Variants in SH3YL1 observed in about 807,000 individuals in gnomAD.
The protein encoded by SH3YL1 is SH3 and SYLF domain containing 1, also known as SH3 domain-containing YSC84-like protein 1.
SH3YL1 carries 41 observed loss-of-function variants against 45.8 expected under a neutral mutation model. That is an observed-to-expected ratio of 0.89 (90% confidence interval 0.70 to 1.16). The LOEUF (loss-of-function observed/expected upper bound fraction) is 1.16, where lower values mean the gene tolerates loss of function less well. Among genes scored for constraint, SH3YL1 ranks in the 50% most tolerant of loss-of-function variants. SH3YL1 has a pLI of 0.00. For missense variants in SH3YL1, 389 were observed against 409.6 expected, an observed-to-expected ratio of 0.95 and a Z score of 0.43; for synonymous variants, 152 against 151.4, an observed-to-expected ratio of 1.00 and a Z score of -0.03.
Position 258,647 on chromosome 2 carries a change from T to C in SH3YL1, c.1+5337A>G, listed in dbSNP as rs373651597. Among the ~76,000 whole-genome samples the C allele has an allele frequency of 1.8e-4, 27 of 152,334 alleles. No homozygotes were observed. The South Asian group carries it at 5.0e-3, about 28-fold the overall frequency. On this transcript the variant is annotated intron_variant, in intron 1 of 9. Coordinates refer to ENST00000356150, the MANE Select transcript of SH3YL1 (RefSeq NM_015677.4). ...TTGATCACTTGTTGGCTTGTTGTTG[T>C]GTTCTGTTTGTGTGTCTAGAGTAGC...
At chr2:227,201 C>T (rs17713396) in intron 8 of SH3YL1, among the ~76,000 whole-genome samples, 44,774 of 151,660 alleles carry the variant, frequency 0.3, 6,922 homozygotes, top group Non-Finnish European at 0.35. Context: ...GTGAATGTTA[C>T]GGTGGGGAAA....
At chr2:262,537 A>G (rs2103063669) in intron 1 of SH3YL1, 1 of 1,282,940 alleles carries the variant, frequency 7.8e-7, no homozygotes, top group Admixed American at 2.3e-5. Flanking sequence ...CTTTTAGAGT[A>G]AAAAATGGGA....
intron 6 of SH3YL1, among the ~76,000 whole-genome samples, chr2:232,434 TGTTTAA>T (rs1572150552): frequency 1.4e-5 from 1 of 72,136 alleles, no homozygotes; most frequent in South Asian, 6.6e-4. Context: ...TACTAACTTA[TGTTTAA>T]GTTTCTTTTT....
At chr2:226,660 T>C (rs374260706) in intron 8 of SH3YL1, among the ~76,000 whole-genome samples, 90 of 151,934 alleles carry the variant, frequency 5.9e-4, no homozygotes, top group African/African-American at 2.1e-3. Flanking sequence ...GGGGAAGATA[T>C]ATGGTTGAGA....
intron 2 of SH3YL1, among the ~76,000 whole-genome samples, chr2:252,341 G>A (rs749425568): frequency 2.0e-5 from 3 of 152,210 alleles, no homozygotes; most frequent in Admixed American, 6.5e-5. Flanking sequence ...GTGAGTTTGC[G>A]AGGTTAGCTT....
At chr2:253,691 A>C (rs1669181608) in intron 1 of SH3YL1, among the ~76,000 whole-genome samples, 1 of 152,200 alleles carries the variant, frequency 6.6e-6, no homozygotes, top group Non-Finnish European at 1.5e-5. Context: ...CCACTACTCC[A>C]CCTATTGAGT....
At chr2:219,418 T>G (rs1667485176) in intron 9 of SH3YL1, among the ~76,000 whole-genome samples, 1 of 152,116 alleles carries the variant, frequency 6.6e-6, no homozygotes, top group South Asian at 2.1e-4. Context: ...ATGGGATCAG[T>G]GTCTTACAGA....
intron 4 of SH3YL1, chr2:240,459 T>A (rs1668494250): frequency 6.6e-6 from 1 of 152,266 alleles, no homozygotes; most frequent in Non-Finnish European, 1.5e-5. Context: ...ATGATGCTTT[T>A]GGTGATAAAC....
In SH3YL1 at chr2:253,065, TG is replaced by T. The variant is rs1401177213; in HGVS notation, c.51del (p.Ile19TyrfsTer2). 3.9e-6 allele frequency: 6 copies of T among 1,550,630 alleles called. No homozygotes were observed. The Admixed American group carries it at 5.9e-5, about 15-fold the overall frequency. On this transcript the variant is annotated frameshift_variant, in exon 2 of 10. Transcript: ENST00000356150. LOFTEE classifies it high-confidence loss of function. The stretch of plus-strand genomic sequence containing the variant: ...ATTTCTGTGAATTCTCTTAATATTT[TG>T]GCAGCCTTTTTTGCTTCTGATTTCA... The part of the protein sequence containing the change: ...SNLKSEAKKA[A>X]KILREFTEIT...
At chr2:247,398 C>T (rs1668868635) in intron 4 of SH3YL1, 140 bp downstream of exon 4, 5 of 592,136 alleles carry the variant, frequency 8.4e-6, no homozygotes, top group South Asian at 5.2e-5. Context: ...AGACATTCAT[C>T]GAGAAAATAA....
In SH3YL1 at chr2:231,205, T is replaced by A. The variant is rs765700268; in HGVS notation, c.534-14A>T. Reference sequence around the variant, plus strand: ...TGACAATAAAATCTAATGGGAAATATAAAATTAAAAACATTTTAATATACA... The same window carrying A: ...TGACAATAAAATCTAATGGGAAATAAAAAATTAAAAACATTTTAATATACA... On this transcript the variant is annotated splice_polypyrimidine_tract_variant and intron_variant, in intron 6 of 9. Transcript: ENST00000356150. The A allele has an allele frequency of 3.8e-6, 6 of 1,565,816 alleles. No homozygotes were observed. The African/African-American group carries it at 4.1e-5, about 11-fold the overall frequency.
intron 8 of SH3YL1, 188 bp downstream of exon 8, chr2:229,778 T>A: frequency 2.3e-6 from 1 of 439,418 alleles, no homozygotes; most frequent in South Asian, 4.9e-5. Flanking sequence ...GAAAGAGAAG[T>A]TTTCATAAAT....
At chr2:220,430 T>C (rs1478264492) in intron 9 of SH3YL1, among the ~76,000 whole-genome samples, 1 of 152,198 alleles carries the variant, frequency 6.6e-6, no homozygotes, top group African/African-American at 2.4e-5. Context: ...AGAATTTCTG[T>C]ATATTTTATT....
chr2:253,027 A>G lies in SH3YL1; in HGVS notation c.90T>C (p.Asn30=), dbSNP rs2103051715. ...TACCAGGAATGATCTTATCAGGTCC[A>G]TTTCTGGAAGTTATTTCTGTGAATT... The part of the protein sequence containing the change: ...LREFTEITSR[N]GPDKIIPAHV... The change falls in exon 2 of 10, where the codon AAT becomes AAC. Residue 30 remains asparagine, a synonymous_variant. Transcript: ENST00000356150. 1 of 1,546,692 alleles carries G rather than the reference A, an allele frequency of 6.5e-7. No homozygotes were observed. The highest frequency in any genetic ancestry group is 8.7e-7 in the Non-Finnish European group (1 of 1,142,942).
chr2:263,817 A>G, intron 1 of SH3YL1, 167 bp downstream of exon 1: 1 of 544,572 alleles, frequency 1.8e-6, no homozygotes, highest in Non-Finnish European at 3.3e-6. Flanking sequence ...GTGGTCAAGA[A>G]AGTCCTGGAA....
At position 247,581 on chromosome 2, in the gene SH3YL1, A is replaced by G. The variant is rs957861365; in HGVS notation, c.248T>C (p.Ile83Thr). The change falls in exon 4 of 10, where the codon ATT becomes ACT. Residue 83 changes from isoleucine (I) to threonine (T), a missense_variant. Physicochemically the swap from Ile to Thr is moderately conservative, Grantham distance 89 (BLOSUM62 -1). Transcript: ENST00000356150. Reference sequence around the variant, plus strand: ...TCCTCCACCAAGGCCAGCTATCCCAATGGCTGAGGGTGCAGACCATTCTAA... The same window carrying G: ...TCCTCCACCAAGGCCAGCTATCCCAGTGGCTGAGGGTGCAGACCATTCTAA... ...PDGKWSAPSA[I>T]GIAGLGGGFE... The G allele has an allele frequency of 9.0e-6, 14 of 1,551,598 alleles. No homozygotes were observed. In the Admixed American group the frequency reaches 1.8e-4, roughly 20 times the overall value.
At position 231,220 on chromosome 2, in the gene SH3YL1, T is replaced by C. The variant is rs374757494; in HGVS notation, c.534-29A>G. The C allele has an allele frequency of 1.3e-4, 194 of 1,513,636 alleles. No individual in the cohort carries two copies. The African/African-American group carries it at 1.7e-3, about 13-fold the overall frequency. 93.8% of individuals were successfully genotyped at this position (1,513,636 alleles called of 1,614,324 possible). ...ATGGGAAATATAAAATTAAAAACAT[T>C]TTAATATACACAAATCTTTTCTAGA... On this transcript the variant is annotated intron_variant, in intron 6 of 9. Coordinates refer to ENST00000356150, the MANE Select transcript of SH3YL1 (RefSeq NM_015677.4).
In SH3YL1 at chr2:231,106, G is replaced by T. The variant is rs1668016150; in HGVS notation, c.619C>A (p.Leu207Ile). Residue 207 changes from leucine to isoleucine, a missense_variant, in exon 7 of 10, where the codon CTT (leucine) becomes ATT (isoleucine). Transcript: ENST00000356150. ...TCATACTTTTCAGTAAAGGAATCAA[G>T]AATTTCATAAAGATCTTCGGCTTGA... ...PAQAEDLYEI[L>I]DSFTEKYENE... The T allele has an allele frequency of 6.2e-7, 1 of 1,613,900 alleles. No individual in the cohort carries two copies. The highest frequency in any genetic ancestry group is 1.3e-5 in the African/African-American group (1 of 74,896).
chr2:231,872 T>G (rs999809594), intron 6 of SH3YL1, among the ~76,000 whole-genome samples: 3 of 152,192 alleles, frequency 2.0e-5, no homozygotes, highest in Non-Finnish European at 4.4e-5. Flanking sequence ...TCCCCATCCC[T>G]CCTATTTTCT....
Sources: allele counts gnomAD v4.1 joint callset (sites outside exome capture counted in the v4.1 genomes callset), GRCh38; gene constraint gnomAD v4.1.1; transcripts MANE v1.5; gene names NCBI Gene and HGNC (gene_info 2026-07-23, HGNC 2026-07-21).